Variants in LEKR1 observed in about 807,000 individuals in gnomAD.
LEKR1 encodes leucine, glutamate and lysine rich 1, also known as protein LEKR1.
In LEKR1, 59 loss-of-function variants were observed where a neutral mutation model predicts 72.4. The ratio of observed to expected loss-of-function variants is 0.82; its 90% confidence interval spans 0.66 to 1.01. LEKR1 has a LOEUF of 1.01. Ranked by LOEUF, LEKR1 falls within the 50% of genes least tolerant of loss-of-function variation. The pLI is 0.00. For synonymous variants in LEKR1, 257 were observed against 263.2 expected (o/e 0.98, Z 0.23); for missense variants, 728 against 759.2 (o/e 0.96, Z 0.48).
chr3:156,966,060 CATGTAATTAACTA>C (rs1056551531), intron 6 of LEKR1, among the ~76,000 whole-genome samples: 1 of 151,956 alleles, frequency 6.6e-6, no homozygotes, highest in African/African-American at 2.4e-5. Context: ...CAATTTCAAC[CATGTAATTAACTA>C]ATGTAACTAA....
intron 2 of LEKR1, among the ~76,000 whole-genome samples, chr3:156,850,173 T>C (rs914704194): frequency 3.3e-5 from 5 of 152,106 alleles, no homozygotes; most frequent in Non-Finnish European, 7.4e-5. Context: ...TCATCATCAC[T>C]GGCCATCAGA....
chr3:157,027,156 C>T (rs1490083129), intron 11 of LEKR1, among the ~76,000 whole-genome samples: 6 of 151,584 alleles, frequency 4.0e-5, no homozygotes, highest in African/African-American at 1.5e-4. Flanking sequence ...AGTATTTACA[C>T]CATGGAAATT....
chr3:156,858,042 T>C (rs1560030032), intron 3 of LEKR1, among the ~76,000 whole-genome samples: 1 of 152,194 alleles, frequency 6.6e-6, no homozygotes, highest in Non-Finnish European at 1.5e-5. Flanking sequence ...CCTCTGTAAT[T>C]ATTGGTTTAC....
intron 12 of LEKR1, among the ~76,000 whole-genome samples, chr3:157,042,363 G>A (rs1366101510): frequency 6.6e-6 from 1 of 152,172 alleles, no homozygotes; most frequent in Non-Finnish European, 1.5e-5. Context: ...CCACCCCGCT[G>A]GCTGGCCCCA....
At chr3:156,899,315 T>A (rs536480343) in intron 3 of LEKR1, among the ~76,000 whole-genome samples, 6 of 141,950 alleles carry the variant, frequency 4.2e-5, no homozygotes, top group East Asian at 2.0e-4. Flanking sequence ...CATACACACA[T>A]GTATATATAC....
intron 3 of LEKR1, among the ~76,000 whole-genome samples, chr3:156,860,386 C>T (rs1391795693): frequency 6.6e-6 from 1 of 152,024 alleles, no homozygotes; most frequent in Non-Finnish European, 1.5e-5. Flanking sequence ...AGAGTTAATC[C>T]ACAGTAATGT....
intron 3 of LEKR1, among the ~76,000 whole-genome samples, chr3:156,888,028 CAG>C (rs1341334249): frequency 6.6e-6 from 1 of 151,838 alleles, no homozygotes; most frequent in Non-Finnish European, 1.5e-5. Context: ...TGATATATAT[CAG>C]AGAATGGAAA....
intron 6 of LEKR1, among the ~76,000 whole-genome samples, chr3:156,969,786 T>C (rs1460209870): frequency 6.6e-6 from 1 of 152,140 alleles, no homozygotes; most frequent in Non-Finnish European, 1.5e-5. Flanking sequence ...GCCAGCATCA[T>C]CCTGATACCA....
chr3:156,895,799 G>A (rs572396976), intron 3 of LEKR1, among the ~76,000 whole-genome samples: 58 of 152,268 alleles, frequency 3.8e-4, no homozygotes, highest in Admixed American at 2.2e-3. Context: ...AAGACAGTGC[G>A]CTGATTCCTC....
intron 4 of LEKR1, among the ~76,000 whole-genome samples, chr3:156,925,655 G>T (rs575094027): frequency 1.3e-5 from 2 of 152,118 alleles, no homozygotes; most frequent in African/African-American, 4.8e-5. Flanking sequence ...CCAAGGTTCT[G>T]GGAGGGCTCC....
At chr3:156,962,672 T>C (rs1318926906) in intron 6 of LEKR1, among the ~76,000 whole-genome samples, 1 of 152,218 alleles carries the variant, frequency 6.6e-6, no homozygotes, top group Admixed American at 6.5e-5. Flanking sequence ...CACTGTTTTA[T>C]GTATCATCTC....
chr3:156,849,871 C>T (rs1267297095), intron 2 of LEKR1, among the ~76,000 whole-genome samples: 2 of 152,210 alleles, frequency 1.3e-5, no homozygotes, highest in East Asian at 3.9e-4. Context: ...GTCTAAAACA[C>T]CAAAAGCAAT....
chr3:156,912,192 A>G (rs1306884193), intron 3 of LEKR1, among the ~76,000 whole-genome samples: 3 of 152,130 alleles, frequency 2.0e-5, no homozygotes, highest in Non-Finnish European at 4.4e-5. Context: ...GGGTTACATA[A>G]ATAAATTGTA....
intron 2 of LEKR1, among the ~76,000 whole-genome samples, chr3:156,852,397 G>T (rs1576664235): frequency 2.6e-5 from 4 of 152,268 alleles, no homozygotes; most frequent in Admixed American, 2.6e-4. Flanking sequence ...AGAGCAGTTT[G>T]CAATTAAAGA....
At chr3:156,993,763 A>G (rs892944489) in intron 9 of LEKR1, among the ~76,000 whole-genome samples, 8 of 152,230 alleles carry the variant, frequency 5.3e-5, no homozygotes, top group Admixed American at 5.2e-4. Context: ...TATCGAGGAT[A>G]CTAAGAAGTA....
chr3:156,992,966 G>T, intron 8 of LEKR1, 108 bp from the exon 9 acceptor site: 2 of 594,160 alleles, frequency 3.4e-6, no homozygotes, highest in Non-Finnish European at 5.4e-6. Context: ...ATTTTTTAAA[G>T]TTACAGTTAT....
At chr3:156,837,282 A>T (rs1226453703) in intron 2 of LEKR1, among the ~76,000 whole-genome samples, 1 of 152,216 alleles carries the variant, frequency 6.6e-6, no homozygotes, top group Non-Finnish European at 1.5e-5. Flanking sequence ...TAGAAATGGG[A>T]TCTTTTAAGA....
intron 5 of LEKR1, among the ~76,000 whole-genome samples, chr3:156,932,874 C>CA (rs1483993158): frequency 3.4e-5 from 5 of 149,120 alleles, no homozygotes; most frequent in Admixed American, 3.3e-4. Context: ...ACTAAAAATA[C>CA]AAAAAATTAG....
At chr3:156,828,587 TA>T (rs995113695) in intron 1 of LEKR1, among the ~76,000 whole-genome samples, 20 of 145,812 alleles carry the variant, frequency 1.4e-4, no homozygotes, top group Admixed American at 4.1e-4. Flanking sequence ...GGGAAGGATT[TA>T]AAAAAAAAAA....
Sources: allele counts gnomAD v4.1 joint callset (sites outside exome capture counted in the v4.1 genomes callset), GRCh38; gene constraint gnomAD v4.1.1; transcripts MANE v1.5; gene names NCBI Gene and HGNC (gene_info 2026-07-23, HGNC 2026-07-21).